The following TAFA4 variants were observed in gnomAD, a reference collection of about 807,000 sequenced individuals.
TAFA4 encodes chemokine-like protein TAFA-4.
TAFA4 carries 20 observed loss-of-function variants against 21.1 expected under a neutral mutation model. That is an observed-to-expected ratio of 0.95 (90% CI 0.67 to 1.38). TAFA4 has a LOEUF of 1.38. Among genes scored for constraint, TAFA4 ranks in the 40% most tolerant of loss-of-function variants. TAFA4 has a pLI of 0.00. For synonymous variants in TAFA4, 71 were observed against 67.4 expected (o/e 1.05, Z -0.26); for missense variants, 211 against 180.9 (o/e 1.17, Z -0.95).
At chr3:68,895,556 T>A (rs1003078876) in intron 1 of TAFA4, among the ~76,000 whole-genome samples, 1 of 152,152 alleles carries the variant, frequency 6.6e-6, no homozygotes, top group South Asian at 2.1e-4. Flanking sequence ...ACCACAGAAC[T>A]CATGTAGAGA....
Position 68,856,253 on chromosome 3 carries a change from G to T in TAFA4, c.130+24477C>A, listed in dbSNP as rs1705067729. Among the ~76,000 whole-genome samples, 3 of 152,162 alleles carry T rather than the reference G, an allele frequency of 2.0e-5. No homozygotes were observed. In the South Asian group the frequency reaches 6.2e-4, roughly 32 times the overall value. On this transcript the variant is annotated intron_variant, in intron 3 of 5. Transcript: ENST00000295569. ...AAAACTAGGTAGGAGCATGGCGGGA[G>T]AGGAAGATTGAGAGGTCTAAGGCAA...
intron 3 of TAFA4, among the ~76,000 whole-genome samples, chr3:68,837,279 G>C (rs1251295934): frequency 6.6e-6 from 1 of 152,194 alleles, no homozygotes; most frequent in Non-Finnish European, 1.5e-5. Flanking sequence ...TGGAACTGCA[G>C]AATCTGAGGC....
chr3:68,928,986 TA>T lies in TAFA4; in HGVS notation c.-123+3253del, dbSNP rs5849870. Reference sequence around the variant, plus strand: ...ACCAGATTTTACAATTAAGTTTATTTAAAAAAAAAAAAAGAGCCCTTTTGAC... The same window carrying T: ...ACCAGATTTTACAATTAAGTTTATTTAAAAAAAAAAAAGAGCCCTTTTGAC... On this transcript the variant is annotated intron_variant, in intron 1 of 5. Transcript: ENST00000295569. Among the ~76,000 whole-genome samples the T allele has an allele frequency of 4.2e-3, 619 of 147,226 alleles. 6 individuals carry two copies. The highest frequency in any genetic ancestry group is 0.04 in the East Asian group (200 of 5,056).
chr3:68,887,207 T>C lies in TAFA4; in HGVS notation c.-122-1897A>G, dbSNP rs528574943. On this transcript the variant is annotated intron_variant, in intron 1 of 5. Transcript: ENST00000295569. ...GAAAAAGAAAAGAAGTAACTGGTTC[T>C]CAGTATGTCCAAAACCCAACAGGTA... 1.4e-3 allele frequency among the ~76,000 whole-genome samples: 220 copies of C among 152,368 alleles called. 1 individual carries two copies. Among genetic ancestry groups the C allele is most frequent in the South Asian group, 0.014 (68 of 4,830 alleles).
At chr3:68,912,864 G>A (rs1054083611) in intron 1 of TAFA4, among the ~76,000 whole-genome samples, 1 of 152,178 alleles carries the variant, frequency 6.6e-6, no homozygotes, top group Admixed American at 6.5e-5. Flanking sequence ...TCCTCTAGGT[G>A]GATGTTAATA....
At chr3:68,790,341 A>G (rs1703339351) in intron 3 of TAFA4, among the ~76,000 whole-genome samples, 1 of 152,198 alleles carries the variant, frequency 6.6e-6, no homozygotes, top group Non-Finnish European at 1.5e-5. Context: ...AAAATTATTC[A>G]AATAAAAGAA....
intron 1 of TAFA4, among the ~76,000 whole-genome samples, chr3:68,905,108 A>G (rs1032718591): frequency 1.3e-5 from 2 of 150,862 alleles, no homozygotes; most frequent in Non-Finnish European, 2.9e-5. Context: ...CTACCTCCAG[A>G]CACTGGGACA....
At chr3:68,803,016 C>G (rs2106830229) in intron 3 of TAFA4, among the ~76,000 whole-genome samples, 1 of 152,294 alleles carries the variant, frequency 6.6e-6, no homozygotes, top group South Asian at 2.1e-4. Flanking sequence ...TTTGTTCTAG[C>G]TTTTTTTCCC....
At chr3:68,734,576 C>G (rs1702206271) in intron 5 of TAFA4, among the ~76,000 whole-genome samples, 1 of 151,986 alleles carries the variant, frequency 6.6e-6, no homozygotes, top group Non-Finnish European at 1.5e-5. Context: ...AGAGTTGTGA[C>G]AAATAGAACA....
At chr3:68,810,542 G>A (rs1364112646) in intron 3 of TAFA4, among the ~76,000 whole-genome samples, 1 of 152,190 alleles carries the variant, frequency 6.6e-6, no homozygotes, top group Admixed American at 6.5e-5. Flanking sequence ...GCCTGGCTCT[G>A]AGGGTCCTAT....
chr3:68,805,432 G>C (rs756652982), intron 3 of TAFA4, among the ~76,000 whole-genome samples: 6 of 152,166 alleles, frequency 3.9e-5, no homozygotes, highest in African/African-American at 1.4e-4. Context: ...AATACCATTT[G>C]ACCCAGCCAT....
chr3:68,915,286 C>A (rs2089993528), intron 1 of TAFA4, among the ~76,000 whole-genome samples: 1 of 152,170 alleles, frequency 6.6e-6, no homozygotes, highest in Non-Finnish European at 1.5e-5. Flanking sequence ...ATTACAAGAT[C>A]TTTGCCAAAA....
intron 3 of TAFA4, among the ~76,000 whole-genome samples, chr3:68,791,346 C>T (rs1001109635): frequency 1.3e-5 from 2 of 152,078 alleles, no homozygotes; most frequent in African/African-American, 4.8e-5. Context: ...GAGAGTATGA[C>T]AATGGAGGCC....
At chr3:68,863,126 T>C (rs1320132630) in intron 3 of TAFA4, among the ~76,000 whole-genome samples, 2 of 149,984 alleles carry the variant, frequency 1.3e-5, no homozygotes, top group Admixed American at 6.6e-5. Context: ...TAGTCCCAGC[T>C]AGCTACACAA....
At chr3:68,853,879 G>A (rs898318516) in intron 3 of TAFA4, among the ~76,000 whole-genome samples, 1 of 152,096 alleles carries the variant, frequency 6.6e-6, no homozygotes, top group Non-Finnish European at 1.5e-5. Context: ...AGAGCATACA[G>A]AAATAAACAG....
chr3:68,883,834 G>A (rs1023458999), intron 2 of TAFA4, among the ~76,000 whole-genome samples: 12 of 152,094 alleles, frequency 7.9e-5, no homozygotes, highest in Non-Finnish European at 1.2e-4. Context: ...CTGGGAGACC[G>A]AGGTGGAAGG....
chr3:68,882,608 A>T (rs1337457398), intron 2 of TAFA4, among the ~76,000 whole-genome samples: 1 of 152,208 alleles, frequency 6.6e-6, no homozygotes, highest in Non-Finnish European at 1.5e-5. Context: ...AAATAGATTG[A>T]TAGCTGATAT....
At chr3:68,821,772 A>G (rs1212872928) in intron 3 of TAFA4, among the ~76,000 whole-genome samples, 2 of 152,184 alleles carry the variant, frequency 1.3e-5, no homozygotes, top group Non-Finnish European at 2.9e-5. Flanking sequence ...CCCAAGTACT[A>G]TACTTCTTTC....
chr3:68,905,106 A>G (rs2106991673), intron 1 of TAFA4, among the ~76,000 whole-genome samples: 1 of 149,660 alleles, frequency 6.7e-6, no homozygotes, highest in South Asian at 2.1e-4. Flanking sequence ...CACTACCTCC[A>G]GACACTGGGA....
Sources: allele counts gnomAD v4.1 joint callset (sites outside exome capture counted in the v4.1 genomes callset), GRCh38; gene constraint gnomAD v4.1.1; transcripts MANE v1.5; gene names NCBI Gene and HGNC (gene_info 2026-07-23, HGNC 2026-07-21).